Variants in ZPBP observed in about 807,000 individuals in gnomAD.
ZPBP encodes zona pellucida binding protein, also known as zona pellucida-binding protein 1.
In ZPBP, 26 loss-of-function variants were observed where a neutral mutation model predicts 44.8. The observed-to-expected ratio is 0.58, with a 90% CI of 0.43 to 0.81. The LOEUF (loss-of-function observed/expected upper bound fraction) is 0.81, where lower values mean the gene tolerates loss of function less well. Ranked by LOEUF, ZPBP falls within the 30% of genes least tolerant of loss-of-function variation. ZPBP has a pLI of 0.00. For synonymous variants in ZPBP, 174 were observed against 153.2 expected, an observed-to-expected ratio of 1.14 and a Z score of -1.00; for missense variants, 409 against 434.0, an observed-to-expected ratio of 0.94 and a Z score of 0.51.
At chr7:49,901,101 T>G (rs962322673) in intron 2 of ZPBP, 2 of 151,902 alleles carry the variant, frequency 1.3e-5, no homozygotes, top group African/African-American at 4.8e-5. Flanking sequence ...ACAAAAAACC[T>G]ACAACATCGT....
At chr7:49,927,104 G>A (rs931846202) in intron 1 of ZPBP, among the ~76,000 whole-genome samples, 1 of 152,194 alleles carries the variant, frequency 6.6e-6, no homozygotes, top group South Asian at 2.1e-4. Context: ...CGCCTATATT[G>A]AGTGTTGTAG....
intron 4 of ZPBP, among the ~76,000 whole-genome samples, chr7:50,035,692 A>T (rs970389628): frequency 6.6e-6 from 1 of 152,244 alleles, no homozygotes; most frequent in African/African-American, 2.4e-5. Flanking sequence ...AATGCAAATT[A>T]TAAGTGATAC....
intron 2 of ZPBP, among the ~76,000 whole-genome samples, chr7:49,862,232 T>C (rs1790678038): frequency 1.3e-5 from 2 of 152,228 alleles, no homozygotes; most frequent in East Asian, 1.9e-4. Context: ...TTTTAGATGC[T>C]ATTGAAATAG....
chr7:50,022,189 T>C (rs187725909), intron 5 of ZPBP, among the ~76,000 whole-genome samples: 36 of 152,154 alleles, frequency 2.4e-4, no homozygotes, highest in African/African-American at 8.7e-4. Flanking sequence ...AAAAAAAGAA[T>C]ACTGGCAAAA....
At position 50,089,620 on chromosome 7, in the gene ZPBP, T is replaced by C. The variant is rs767366567; in HGVS notation, c.208+9A>G. The stretch of plus-strand genomic sequence containing the variant: ...TTTTAAAAATTAGTGAAAATATATT[T>C]ATGAATACCTGGAAAACTTGTTGAT... On this transcript the variant is annotated intron_variant, in intron 2 of 7. Transcript: ENST00000046087. The C allele has an allele frequency of 1.9e-6, 3 of 1,591,076 alleles. No homozygotes were observed. Among genetic ancestry groups the C allele is most frequent in the East Asian group, 4.5e-5 (2 of 44,638 alleles).
At chr7:49,886,924 C>A (rs1481032057) in intron 2 of ZPBP, among the ~76,000 whole-genome samples, 1 of 151,914 alleles carries the variant, frequency 6.6e-6, no homozygotes, top group African/African-American at 2.4e-5. Flanking sequence ...TTTATGGGTC[C>A]TTTTTAGTTA....
chr7:50,084,427 T>C (rs923243010), intron 2 of ZPBP, among the ~76,000 whole-genome samples: 1 of 149,206 alleles, frequency 6.7e-6, no homozygotes, highest in African/African-American at 2.5e-5. Context: ...CAACAAAATG[T>C]AAATAAAGGC....
At chr7:50,025,116 A>G (rs1799267345) in intron 5 of ZPBP, among the ~76,000 whole-genome samples, 1 of 151,884 alleles carries the variant, frequency 6.6e-6, no homozygotes. Flanking sequence ...GAAAACTGTA[A>G]AACTCTGATT....
intron 6 of ZPBP, among the ~76,000 whole-genome samples, chr7:49,989,053 G>C (rs1278614082): frequency 6.6e-6 from 1 of 152,148 alleles, no homozygotes; most frequent in Non-Finnish European, 1.5e-5. Context: ...CTAGTTCTGA[G>C]TATTCTTAAT....
intron 2 of ZPBP, among the ~76,000 whole-genome samples, chr7:49,891,493 G>A (rs185841825): frequency 3.7e-4 from 57 of 152,144 alleles, no homozygotes; most frequent in Non-Finnish European, 5.0e-4. Context: ...ATAATGACAA[G>A]ATACTTCAAA....
chr7:49,873,806 G>GA (rs1791280973), intron 2 of ZPBP, among the ~76,000 whole-genome samples: 1 of 150,868 alleles, frequency 6.6e-6, no homozygotes, highest in African/African-American at 2.4e-5. Context: ...GCCATCAAGA[G>GA]AAAAATGGAT....
intron 5 of ZPBP, among the ~76,000 whole-genome samples, chr7:50,029,334 T>C (rs988767778): frequency 2.6e-5 from 4 of 152,176 alleles, no homozygotes; most frequent in African/African-American, 9.6e-5. Context: ...TATATACAAT[T>C]AGCTCAAAAT....
intron 7 of ZPBP, among the ~76,000 whole-genome samples, chr7:49,981,403 A>AT (rs1491157480): frequency 8.3e-4 from 30 of 36,242 alleles, no homozygotes; most frequent in South Asian, 3.3e-3. Flanking sequence ...TATTATATAT[A>AT]AAATATATAT....
chr7:49,877,481 A>AAAAATATACATATATATATATATAT lies in ZPBP; in HGVS notation n.509+23636_509+23637insATATATATATATATATGTATATTTT. Among the ~76,000 whole-genome samples the AAAAATATACATATATATATATATAT allele has an allele frequency of 1.5e-3, 19 of 12,728 alleles. 5 individuals are homozygous for AAAAATATACATATATATATATATAT. Among genetic ancestry groups the AAAAATATACATATATATATATATAT allele is most frequent in the East Asian group, 0.011 (2 of 180 alleles). The allele number at this position is 12,728 out of a possible 152,430, so 8.4% of individuals were successfully genotyped here. On this transcript the variant is annotated intron_variant and non_coding_transcript_variant, in intron 2 of 2. Transcript: ENST00000465922. ...CTGTCTCAAAAAAAAAAAAAAAAAA[A>AAAAATATACATATATATATATATAT]ATATATATATATATATATATATATA...
At chr7:49,929,134 G>A (rs1426773188) in intron 1 of ZPBP, among the ~76,000 whole-genome samples, 1 of 152,206 alleles carries the variant, frequency 6.6e-6, no homozygotes, top group Non-Finnish European at 1.5e-5. Flanking sequence ...ATGCCCAATG[G>A]AAATAAATGT....
At chr7:50,046,590 G>GTCC (rs972688247) in intron 4 of ZPBP, among the ~76,000 whole-genome samples, 1 of 152,008 alleles carries the variant, frequency 6.6e-6, no homozygotes, top group Admixed American at 6.6e-5. Context: ...CAAAACCACC[G>GTCC]TAAGATACCA....
chr7:49,884,398 A>C (rs1405926476), intron 2 of ZPBP, among the ~76,000 whole-genome samples: 4 of 152,312 alleles, frequency 2.6e-5, no homozygotes, highest in African/African-American at 9.6e-5. Context: ...ATAAAGTCTC[A>C]AATCTGTCTC....
chr7:50,055,748 T>A (rs1476984942), intron 4 of ZPBP, among the ~76,000 whole-genome samples: 18 of 152,212 alleles, frequency 1.2e-4, no homozygotes, highest in Non-Finnish European at 1.8e-4. Flanking sequence ...CACTGCCTGG[T>A]ACCTCATAAG....
At chr7:49,864,995 G>A (rs1462855158) in intron 2 of ZPBP, among the ~76,000 whole-genome samples, 2 of 135,740 alleles carry the variant, frequency 1.5e-5, no homozygotes, top group African/African-American at 5.4e-5. Flanking sequence ...GGGAGGGGTA[G>A]AGCTGCCTAC....
Sources: allele counts gnomAD v4.1 joint callset (sites outside exome capture counted in the v4.1 genomes callset), GRCh38; gene constraint gnomAD v4.1.1; transcripts MANE v1.5; gene names NCBI Gene and HGNC (gene_info 2026-07-23, HGNC 2026-07-21).